Variants in BDH1 observed in about 807,000 individuals in gnomAD.
The protein encoded by BDH1 is D-beta-hydroxybutyrate dehydrogenase, mitochondrial.
In BDH1, 30 loss-of-function variants were observed where a neutral mutation model predicts 33.1. That is an observed-to-expected ratio of 0.91 (90% CI 0.68 to 1.23). The LOEUF is 1.23. BDH1 is among the 50% of genes most tolerant of loss of function. The pLI is 0.00. For missense variants in BDH1, 443 were observed against 464.4 expected (o/e 0.95, Z 0.42); for synonymous variants, 190 against 183.6 (o/e 1.03, Z -0.28).
chr3:197,563,604 A>C (rs1580015908), intron 1 of BDH1, among the ~76,000 whole-genome samples: 1 of 152,234 alleles, frequency 6.6e-6, no homozygotes, highest in African/African-American at 2.4e-5. Context: ...CAAACTCATA[A>C]TTTAGAATCT....
rs551368377 is a variant in BDH1, at chr3:197,554,683, C to T, written c.-165G>A. 2.6e-5 allele frequency: 4 copies of T among 151,962 alleles called. No individual in the cohort carries two copies. Among genetic ancestry groups the T allele is most frequent in the Admixed American group, 6.5e-5 (1 of 15,272 alleles). The allele number at this position is 151,962 out of a possible 1,614,324, so 9.4% of individuals were successfully genotyped here. A position where few individuals can be genotyped will look rare whatever the true frequency, so the allele number is the denominator to read the frequency against. On this transcript the variant is annotated 5_prime_UTR_variant, in exon 2 of 8. Coordinates refer to ENST00000392379, the MANE Select transcript of BDH1 (RefSeq NM_203314.3). This position sits in a 1 kb window ranked among gnomAD's most constrained non-coding sequence, Gnocchi z 4.4. ...GAACTGCAGGGTGACTCTGCATCAG[C>T]TGACTACAGGCAGATTTCCAGGCTG...
intron 3 of BDH1, chr3:197,543,073 G>A: frequency 1.0e-6 from 1 of 985,406 alleles, no homozygotes; most frequent in Non-Finnish European, 1.2e-6. Context: ...ACCAGTCTGT[G>A]TGTCTGTGCC....
rs199764274 is a variant in BDH1 at position 197,514,380 on chromosome 3, G to A, written c.446C>T (p.Thr149Met). 83 of 1,612,148 alleles carry A rather than the reference G, an allele frequency of 5.1e-5. No individual in the cohort carries two copies. The Middle Eastern group carries it at 2.1e-3, about 42-fold the overall frequency. ...GCTGGTGAACTCCACCTCCCCGAAC[G>A]TTGAGATGCCGGCATTGTTAACGAG... Reference protein sequence around the residue: ...WGLVNNAGISTFGEVEFTSLE... With the variant: ...WGLVNNAGISMFGEVEFTSLE... Residue 149 changes from threonine to methionine, a missense_variant, in exon 7 of 8, where the codon ACG (threonine) becomes ATG (methionine). By Grantham distance (81) the Thr-to-Met change is moderately conservative. Transcript: ENST00000392379. The surrounding 1 kb of genome is among the most constrained non-coding windows in gnomAD (Gnocchi z 4.2).
upstream of BDH1, among the ~76,000 whole-genome samples, chr3:197,560,153 A>G (rs1451127034): frequency 6.6e-6 from 1 of 152,236 alleles, no homozygotes; most frequent in African/African-American, 2.4e-5. Flanking sequence ...GTGAGTCTTC[A>G]AAGACTTTCC....
intron 3 of BDH1, among the ~76,000 whole-genome samples, chr3:197,540,990 G>A (rs184673629): frequency 1.2e-3 from 176 of 152,334 alleles, no homozygotes; most frequent in African/African-American, 3.8e-3. Context: ...TGCCTCCTGA[G>A]CACTGCTGGA....
At chr3:197,535,387 G>C (rs1321279806) in intron 3 of BDH1, among the ~76,000 whole-genome samples, 1 of 152,174 alleles carries the variant, frequency 6.6e-6, no homozygotes, top group Non-Finnish European at 1.5e-5. Context: ...CTCTGTAGCA[G>C]GGTCTACTGC....
chr3:197,570,864 G>C (rs1717583714), intron 1 of BDH1, among the ~76,000 whole-genome samples: 2 of 152,242 alleles, frequency 1.3e-5, no homozygotes. Flanking sequence ...GTGCGGCTGT[G>C]AGAGGAGGGC....
upstream of BDH1, among the ~76,000 whole-genome samples, chr3:197,556,433 T>G (rs1369241505): frequency 6.6e-6 from 1 of 152,214 alleles, no homozygotes; most frequent in Non-Finnish European, 1.5e-5. Context: ...TTTGGGAGGC[T>G]GAGGCAGGTG....
chr3:197,520,213 A>G lies in BDH1; in HGVS notation c.409+2427T>C, dbSNP rs1045805611. Among the ~76,000 whole-genome samples the G allele has an allele frequency of 2.6e-5, 4 of 151,950 alleles. No individual in the cohort carries two copies. Among genetic ancestry groups the G allele is most frequent in the Non-Finnish European group, 5.9e-5 (4 of 67,990 alleles). On this transcript the variant is annotated intron_variant, in intron 6 of 7. Coordinates refer to ENST00000392379, the MANE Select transcript of BDH1 (RefSeq NM_203314.3). This position sits in a 1 kb window ranked among gnomAD's most constrained non-coding sequence, Gnocchi z 6.0. ...GAGACGGGAAGAAAGCGAGAGCAGG[A>G]GATGGGGGACACGCCACTGCATATC...
chr3:197,532,709 C>T (rs1714782332), intron 4 of BDH1, among the ~76,000 whole-genome samples, 187 bp from the exon 5 acceptor site: 1 of 152,214 alleles, frequency 6.6e-6, no homozygotes, highest in Non-Finnish European at 1.5e-5. Flanking sequence ...CTAACCCAGA[C>T]TCGGCTACCA....
intron 6 of BDH1, among the ~76,000 whole-genome samples, chr3:197,518,848 C>T (rs1274070266): frequency 1.4e-4 from 4 of 27,882 alleles, no homozygotes; most frequent in Admixed American, 3.0e-4. Context: ...CCTCCTCAGG[C>T]CGACCCCCCT....
At chr3:197,561,482 C>T (rs1476600489) in intron 1 of BDH1, among the ~76,000 whole-genome samples, 1 of 151,764 alleles carries the variant, frequency 6.6e-6, no homozygotes, top group Non-Finnish European at 1.5e-5. Context: ...TTTTTTCCTG[C>T]TTTTAGGATG....
chr3:197,571,604 C>T (rs1222144778), intron 1 of BDH1, among the ~76,000 whole-genome samples: 1 of 152,240 alleles, frequency 6.6e-6, no homozygotes, highest in Non-Finnish European at 1.5e-5. Context: ...CGTTCTCTCT[C>T]TTGCCTGCCA....
intron 5 of BDH1, chr3:197,530,052 G>A (rs1463996319): frequency 1.3e-5 from 2 of 152,214 alleles, no homozygotes; most frequent in Non-Finnish European, 2.9e-5. Context: ...TTCTGGCCAA[G>A]AGAATGAGAG....
intron 2 of BDH1, among the ~76,000 whole-genome samples, chr3:197,553,576 T>G (rs1716752701): frequency 6.7e-6 from 1 of 149,616 alleles, no homozygotes; most frequent in Admixed American, 6.6e-5. Flanking sequence ...AGTGCCATTA[T>G]CAGACTTACA....
intron 2 of BDH1, among the ~76,000 whole-genome samples, chr3:197,550,704 G>T (rs1716491421): frequency 6.6e-6 from 1 of 152,136 alleles, no homozygotes; most frequent in Non-Finnish European, 1.5e-5. Flanking sequence ...ATCTGCAGGG[G>T]GTGGGGGGAT....
chr3:197,566,589 G>A (rs925571970), intron 1 of BDH1, among the ~76,000 whole-genome samples: 2 of 152,180 alleles, frequency 1.3e-5, no homozygotes, highest in South Asian at 4.1e-4. Context: ...TACTCTGGCT[G>A]CATTGTATAC....
rs1208857375 is a variant in BDH1 at position 197,521,566 on chromosome 3, C to T, written c.409+1074G>A. On this transcript the variant is annotated intron_variant, in intron 6 of 7. Coordinates refer to ENST00000392379, the MANE Select transcript of BDH1 (RefSeq NM_203314.3). The surrounding 1 kb of genome is among the most constrained non-coding windows in gnomAD (Gnocchi z 4.9). The stretch of plus-strand genomic sequence containing the variant: ...GTCCCTCTGTGCATCTCCCCGACTC[C>T]CAGTGTCACCTGCCGTGGGCACCTG... Among the ~76,000 whole-genome samples, 4 of 152,122 alleles carry T rather than the reference C, an allele frequency of 2.6e-5. No homozygotes were observed. Among genetic ancestry groups the T allele is most frequent in the Non-Finnish European group, 5.9e-5 (4 of 68,018 alleles).
chr3:197,561,694 T>C (rs1054886241), intron 1 of BDH1, among the ~76,000 whole-genome samples: 1 of 152,166 alleles, frequency 6.6e-6, no homozygotes, highest in South Asian at 2.1e-4. Context: ...TCTTCCAGAC[T>C]TGGTCCAATC....
Sources: allele counts gnomAD v4.1 joint callset (sites outside exome capture counted in the v4.1 genomes callset), GRCh38; gene constraint gnomAD v4.1.1; non-coding constraint Gnocchi (gnomAD v3.1); transcripts MANE v1.5; gene names NCBI Gene and HGNC (gene_info 2026-07-23, HGNC 2026-07-21).